Variants in GAB2 observed in about 807,000 individuals in gnomAD.
GAB2 encodes the protein GRB2-associated-binding protein 2.
Under a neutral mutation model 65.5 loss-of-function variants are expected in GAB2, and 26 were observed. The ratio of observed to expected loss-of-function variants is 0.40; its 90% confidence interval spans 0.29 to 0.55. GAB2 has a LOEUF of 0.55. GAB2 is among the 20% of genes least tolerant of loss of function. GAB2 has a pLI of 0.53. For synonymous variants in GAB2, 321 were observed against 329.6 expected (o/e 0.97, Z 0.28); for missense variants, 884 against 875.8 (o/e 1.01, Z -0.12).
At chr11:78,243,611 C>T (rs751141044) in intron 3 of GAB2, among the ~76,000 whole-genome samples, 6 of 151,656 alleles carry the variant, frequency 4.0e-5, no homozygotes, top group African/African-American at 9.7e-5. Flanking sequence ...GAGGCCGAGG[C>T]GGGCAGATCA....
At chr11:78,343,086 G>A (rs1158216686) in intron 1 of GAB2, among the ~76,000 whole-genome samples, 7 of 152,028 alleles carry the variant, frequency 4.6e-5, no homozygotes, top group Admixed American at 4.6e-4. Flanking sequence ...AACCCACTAA[G>A]AATATAAATT....
intron 1 of GAB2, among the ~76,000 whole-genome samples, chr11:78,331,910 A>G (rs1056334405): frequency 2.0e-5 from 3 of 152,128 alleles, no homozygotes; most frequent in Admixed American, 6.5e-5. Flanking sequence ...CTCGTAAATG[A>G]AAGTGTCCAT....
At chr11:78,367,540 C>T (rs1251037994) in intron 1 of GAB2, among the ~76,000 whole-genome samples, 2 of 152,202 alleles carry the variant, frequency 1.3e-5, no homozygotes, top group African/African-American at 2.4e-5. Flanking sequence ...CAGCTTTTAA[C>T]AATCTACGAC....
intron 3 of GAB2, among the ~76,000 whole-genome samples, chr11:78,241,987 G>A (rs1184593551): frequency 1.3e-5 from 2 of 152,182 alleles, no homozygotes; most frequent in African/African-American, 2.4e-5. Context: ...AACAGCTGCA[G>A]AGTATAATTC....
chr11:78,392,237 C>T (rs1298185681), intron 1 of GAB2: 5 of 146,008 alleles, frequency 3.4e-5, no homozygotes, highest in East Asian at 2.0e-4. Context: ...GACTCCTTCT[C>T]GAACAAAAAA....
intron 1 of GAB2, among the ~76,000 whole-genome samples, chr11:78,382,802 CATTT>C: frequency 6.6e-6 from 1 of 152,246 alleles, no homozygotes; most frequent in East Asian, 1.9e-4. Flanking sequence ...GAGCAGAAAA[CATTT>C]ATTTTATTTG....
At chr11:78,333,142 T>C (rs1418267040) in intron 1 of GAB2, among the ~76,000 whole-genome samples, 2 of 152,216 alleles carry the variant, frequency 1.3e-5, no homozygotes, top group Non-Finnish European at 2.9e-5. Flanking sequence ...CACCCGGAAA[T>C]ACTGGGCTCC....
At position 78,226,731 on chromosome 11, in the gene GAB2, A is replaced by G. The variant is rs114738700; in HGVS notation, c.941T>C (p.Met314Thr). The part of the protein sequence containing the change: ...REFGDLLVDN[M>T]DVPATPLSAY... ...TGAGAGTGGGGTGGCCGGAACATCC[A>G]TATTGTCTACCAGGAGGTCCCCGAA... The change falls in exon 4 of 10, where the codon ATG becomes ACG. Residue 314 changes from methionine to threonine, a missense_variant. By Grantham distance (81) the Met-to-Thr change is moderately conservative. Transcript: ENST00000361507. The G allele has an allele frequency of 7.9e-5, 127 of 1,613,866 alleles. No individual in the cohort carries two copies. The African/African-American group carries it at 1.3e-3, about 17-fold the overall frequency.
At chr11:78,375,729 A>G (rs988353506) in intron 1 of GAB2, among the ~76,000 whole-genome samples, 1 of 152,232 alleles carries the variant, frequency 6.6e-6, no homozygotes, top group East Asian at 1.9e-4. Context: ...AGTCAGTGAT[A>G]TAGCCTTCCA....
chr11:78,383,550 G>C (rs1039014964), intron 1 of GAB2, among the ~76,000 whole-genome samples: 1 of 134,486 alleles, frequency 7.4e-6, no homozygotes, highest in Non-Finnish European at 1.5e-5. Flanking sequence ...TTTGAGACCA[G>C]CCTGGGCAAC....
intron 2 of GAB2, among the ~76,000 whole-genome samples, chr11:78,269,073 G>A (rs1327419813): frequency 6.6e-6 from 1 of 151,526 alleles, no homozygotes; most frequent in Non-Finnish European, 1.5e-5. Flanking sequence ...TTCAGATCTG[G>A]CTGGAAACTG....
At chr11:78,393,949 C>T (rs1366407819) in intron 1 of GAB2, among the ~76,000 whole-genome samples, 5 of 152,202 alleles carry the variant, frequency 3.3e-5, no homozygotes, top group Non-Finnish European at 4.4e-5. Context: ...AAGGTAAAGA[C>T]AGCAGTCAAT....
chr11:78,316,998 C>G (rs1443328221), intron 1 of GAB2, among the ~76,000 whole-genome samples: 3 of 152,268 alleles, frequency 2.0e-5, no homozygotes, highest in Admixed American at 2.0e-4. Flanking sequence ...CAGGGATGAA[C>G]CTTAAGGGCA....
intron 1 of GAB2, among the ~76,000 whole-genome samples, chr11:78,384,553 C>T (rs536067849): frequency 6.6e-6 from 1 of 152,328 alleles, no homozygotes; most frequent in Non-Finnish European, 1.5e-5. Flanking sequence ...TCATCCACAG[C>T]TTGCCAAACA....
In GAB2 at chr11:78,216,425, G is replaced by A. The variant is rs1020474002; in HGVS notation, c.*2847C>T. The A allele has an allele frequency of 2.0e-5, 3 of 152,216 alleles. No homozygotes were observed. Among genetic ancestry groups the A allele is most frequent in the African/African-American group, 7.2e-5 (3 of 41,438 alleles). 9.4% of individuals were successfully genotyped at this position (152,216 alleles called of 1,614,324 possible). On this transcript the variant is annotated 3_prime_UTR_variant, in exon 10 of 10. Transcript: ENST00000361507. ...TTTCAACTGAGTTGACTCCTTTGTT[G>A]GAGGAGGTAGTGGGTGGAGGGTGGG...
At chr11:78,355,889 G>C (rs1856351437) in intron 1 of GAB2, among the ~76,000 whole-genome samples, 1 of 151,844 alleles carries the variant, frequency 6.6e-6, no homozygotes, top group African/African-American at 2.4e-5. Flanking sequence ...ACAGTGGCTG[G>C]GTGTGGTGGC....
At chr11:78,322,443 A>C (rs1855744249) in intron 1 of GAB2, among the ~76,000 whole-genome samples, 1 of 151,972 alleles carries the variant, frequency 6.6e-6, no homozygotes, top group Admixed American at 6.6e-5. Context: ...AACAAAAACA[A>C]AAATTGACAA....
intron 1 of GAB2, among the ~76,000 whole-genome samples, chr11:78,335,458 C>G (rs577037743): frequency 2.0e-5 from 3 of 152,160 alleles, no homozygotes; most frequent in Non-Finnish European, 4.4e-5. Context: ...CTTCTGCATA[C>G]GGATATCCAG....
At chr11:78,224,373 T>C (rs1182503941) in intron 5 of GAB2, among the ~76,000 whole-genome samples, 1 of 151,932 alleles carries the variant, frequency 6.6e-6, no homozygotes, top group East Asian at 1.9e-4. Context: ...ACAAGGAGCA[T>C]ATTAGGAGTC....
Sources: allele counts gnomAD v4.1 joint callset (sites outside exome capture counted in the v4.1 genomes callset), GRCh38; gene constraint gnomAD v4.1.1; transcripts MANE v1.5; gene names NCBI Gene and HGNC (gene_info 2026-07-23, HGNC 2026-07-21).